GAB1: variants seen among roughly 807,000 people sequenced by gnomAD.
GAB1 encodes GRB2-associated-binding protein 1.
In GAB1, 19 loss-of-function variants were observed where a neutral mutation model predicts 66.5. That is an observed-to-expected ratio of 0.29 (90% CI 0.20 to 0.42). GAB1 has a LOEUF of 0.42. Among genes scored for constraint, GAB1 ranks in the 10% least tolerant of loss-of-function variants. The pLI is 1.00. For synonymous variants in GAB1, 294 were observed against 301.4 expected, an observed-to-expected ratio of 0.98 and a Z score of 0.25; for missense variants, 732 against 858.5, an observed-to-expected ratio of 0.85 and a Z score of 1.84.
intron 1 of GAB1, among the ~76,000 whole-genome samples, chr4:143,401,205 A>G (rs1164495303): frequency 6.6e-6 from 1 of 152,180 alleles, no homozygotes; most frequent in African/African-American, 2.4e-5. Context: ...GAGTTAAGCT[A>G]ATTTTTTTTC....
intron 2 of GAB1, chr4:143,425,026 T>G: frequency 1.4e-6 from 1 of 738,346 alleles, no homozygotes; most frequent in Non-Finnish European, 2.4e-6. Flanking sequence ...TGGATTCCCG[T>G]TGTAACTTAA....
chr4:143,431,132 A>G (rs1267695030), intron 2 of GAB1, among the ~76,000 whole-genome samples: 1 of 152,208 alleles, frequency 6.6e-6, no homozygotes, highest in Non-Finnish European at 1.5e-5. Context: ...CAGGCAGAAG[A>G]AAATCCAGTA....
At chr4:143,384,608 G>T (rs1281959901) in intron 1 of GAB1, among the ~76,000 whole-genome samples, 2 of 152,206 alleles carry the variant, frequency 1.3e-5, no homozygotes, top group Non-Finnish European at 2.9e-5. Flanking sequence ...GACAGACTAG[G>T]GGCAACAGCA....
intron 1 of GAB1, among the ~76,000 whole-genome samples, chr4:143,344,270 G>A (rs545638214): frequency 6.6e-6 from 1 of 152,132 alleles, no homozygotes; most frequent in African/African-American, 2.4e-5. Flanking sequence ...CTCGTGTTGG[G>A]GGGGAGAGAA....
At chr4:143,460,235 A>G (rs1419944524) in intron 7 of GAB1, 129 bp from the exon 8 acceptor site, 1 of 799,890 alleles carries the variant, frequency 1.3e-6, no homozygotes, top group East Asian at 2.6e-5. Context: ...ATAAATGTGT[A>G]CAATGAATGA....
Position 143,471,483 on chromosome 4 carries a change from A to G in GAB1, c.*2294A>G, listed in dbSNP as rs1226624233. 1.3e-5 allele frequency: 2 copies of G among 152,202 alleles called. No homozygotes were observed. Among genetic ancestry groups the G allele is most frequent in the African/African-American group, 4.8e-5 (2 of 41,462 alleles). The allele number at this position is 152,202 out of a possible 1,614,324, so 9.4% of individuals were successfully genotyped here. ...CCAATACATAAAGCCTGAAAACTCA[A>G]TTTTATCAATATAAATGTATTTTGG... On this transcript the variant is annotated 3_prime_UTR_variant, in exon 10 of 10. Transcript: ENST00000262994.
intron 1 of GAB1, among the ~76,000 whole-genome samples, chr4:143,358,249 C>T (rs1046157866): frequency 6.6e-5 from 10 of 152,168 alleles, no homozygotes. Context: ...ACCATCTACT[C>T]ATAATTAATT....
At chr4:143,340,846 C>A (rs1298795089) in intron 1 of GAB1, among the ~76,000 whole-genome samples, 2 of 152,120 alleles carry the variant, frequency 1.3e-5, no homozygotes, top group African/African-American at 4.8e-5. Flanking sequence ...CATATATGGC[C>A]CCCAATGTAT....
rs755542810 is a variant in GAB1, at chr4:143,440,307, C to T, written c.1510C>T (p.Pro504Ser). The T allele has an allele frequency of 4.3e-6, 7 of 1,614,006 alleles. No individual in the cohort carries two copies. In the South Asian group the frequency reaches 6.6e-5, roughly 15 times the overall value. The change falls in exon 6 of 10, where the codon CCT becomes TCT. Residue 504 changes from proline (P) to serine (S), a missense_variant. Physicochemically the swap from Pro to Ser is moderately conservative, Grantham distance 74 (BLOSUM62 -1). This residue lies in a region of GAB1 where 204 missense variants were observed against 276.8 expected (regional missense o/e 0.74). Coordinates refer to ENST00000262994, the MANE Select transcript of GAB1 (RefSeq NM_002039.4). ...HMGFRSSPKT[P>S]PRRPVPVADC... ...GGGCTTCAGGTCCAGCCCAAAAACC[C>T]CTCCCAGAAGGCCAGTTCCTGTTGC...
At chr4:143,398,782 A>C (rs1210193662) in intron 1 of GAB1, among the ~76,000 whole-genome samples, 1 of 152,168 alleles carries the variant, frequency 6.6e-6, no homozygotes, top group Non-Finnish European at 1.5e-5. Context: ...GCAGCTGGCC[A>C]GGTGCTATGG....
Position 143,415,613 on chromosome 4 carries a change from C to T in GAB1, c.209C>T (p.Ala70Val). The T allele has an allele frequency of 6.2e-7, 1 of 1,613,728 alleles. No individual in the cohort carries two copies. The highest frequency in any genetic ancestry group is 8.5e-7 in the Non-Finnish European group (1 of 1,179,658). ...IDLNLCQQVD[A>V]GLTFNKKEFE... is the part of the protein sequence containing the mutation. ...TTAAATTTATGTCAACAAGTAGATG[C>T]TGGATTGACATTTAACAAAAAAGAG... The change falls in exon 2 of 10, where the codon GCT (alanine) becomes GTT (valine). Residue 70 changes from alanine (A) to valine (V), a missense_variant. By Grantham distance (64) the Ala-to-Val change is moderately conservative. Around this residue, in one of 4 missense-constraint regions of GAB1, gnomAD observed 66 missense variants for 130.3 expected, o/e 0.51. Coordinates refer to ENST00000262994, the MANE Select transcript of GAB1 (RefSeq NM_002039.4).
chr4:143,382,338 AT>A (rs749974227), intron 1 of GAB1, among the ~76,000 whole-genome samples: 1 of 152,074 alleles, frequency 6.6e-6, no homozygotes, highest in South Asian at 2.1e-4. Context: ...CAGTCTATAT[AT>A]TTTTTTCTCT....
chr4:143,398,168 A>G (rs1731552144), intron 1 of GAB1, among the ~76,000 whole-genome samples: 1 of 152,242 alleles, frequency 6.6e-6, no homozygotes, highest in African/African-American at 2.4e-5. Flanking sequence ...AGCTGATACT[A>G]TATACATGTA....
intron 1 of GAB1, among the ~76,000 whole-genome samples, chr4:143,415,056 T>G (rs1288773756): frequency 6.6e-6 from 1 of 152,126 alleles, no homozygotes; most frequent in Non-Finnish European, 1.5e-5. Context: ...AACTACCTCA[T>G]ATAAGTGGAA....
chr4:143,371,116 A>G (rs1730103671), intron 1 of GAB1, among the ~76,000 whole-genome samples: 2 of 152,156 alleles, frequency 1.3e-5, no homozygotes, highest in South Asian at 2.1e-4. Context: ...TCCCTGAGGA[A>G]TCGCCACACT....
At chr4:143,463,744 G>T (rs115196922) in intron 8 of GAB1, among the ~76,000 whole-genome samples, 1,725 of 152,194 alleles carry the variant, frequency 0.011, 48 homozygotes, top group African/African-American at 0.04. Flanking sequence ...TGGGTGAAAG[G>T]CTAGAATACA....
chr4:143,438,843 G>A (rs963450769), intron 4 of GAB1, among the ~76,000 whole-genome samples: 1 of 152,098 alleles, frequency 6.6e-6, no homozygotes. Flanking sequence ...CTCAGGAAGT[G>A]TGCCCTTCTC....
chr4:143,460,169 T>C (rs886436908), intron 7 of GAB1, among the ~76,000 whole-genome samples, 195 bp from the exon 8 acceptor site: 4 of 152,184 alleles, frequency 2.6e-5, no homozygotes, highest in Non-Finnish European at 5.9e-5. Flanking sequence ...AAAATACACT[T>C]TTATAATACA....
chr4:143,409,520 A>G (rs77172559), intron 1 of GAB1, among the ~76,000 whole-genome samples: 1 of 152,016 alleles, frequency 6.6e-6, no homozygotes, highest in East Asian at 1.9e-4. Context: ...AAAAAAAAAA[A>G]GGAATTAGCT....
Sources: allele counts gnomAD v4.1 joint callset (sites outside exome capture counted in the v4.1 genomes callset), GRCh38; gene constraint gnomAD v4.1.1; regional missense constraint gnomAD v4.1.1; transcripts MANE v1.5; gene names NCBI Gene and HGNC (gene_info 2026-07-23, HGNC 2026-07-21).